The following GABRB3 variants were observed in gnomAD, a reference collection of about 807,000 sequenced individuals.
GABRB3 encodes gamma-aminobutyric acid type A receptor subunit beta3.
In GABRB3, 14 loss-of-function variants were observed where a neutral mutation model predicts 52.1. The ratio of observed to expected loss-of-function variants is 0.27; its 90% CI spans 0.18 to 0.42. The LOEUF (loss-of-function observed/expected upper bound fraction) is 0.42. Ranked by LOEUF, GABRB3 falls within the 10% of genes least tolerant of loss-of-function variation. The pLI is 1.00. For synonymous variants in GABRB3, 260 were observed against 232.3 expected (o/e 1.12, Z -1.08); for missense variants, 307 against 609.1 (o/e 0.50, Z 5.22).
intron 3 of GABRB3, among the ~76,000 whole-genome samples, chr15:26,703,419 C>G (rs1888998774): frequency 6.6e-6 from 1 of 152,164 alleles, no homozygotes; most frequent in Non-Finnish European, 1.5e-5. Flanking sequence ...TAATCCTATC[C>G]ATTGGCAGCA....
At chr15:26,598,887 A>G (rs974736982) in intron 4 of GABRB3, among the ~76,000 whole-genome samples, 1 of 152,214 alleles carries the variant, frequency 6.6e-6, no homozygotes, top group African/African-American at 2.4e-5. Context: ...CTAGCCACAA[A>G]GCTGATTTGG....
chr15:26,578,308 T>C (rs1409657954), intron 6 of GABRB3, among the ~76,000 whole-genome samples: 1 of 152,186 alleles, frequency 6.6e-6, no homozygotes, highest in Non-Finnish European at 1.5e-5. Context: ...TTGGGAGATT[T>C]TGTAACTGAC....
intron 3 of GABRB3, among the ~76,000 whole-genome samples, chr15:26,760,755 CTTTTAAAAACTGG>C (rs1350441756): frequency 3.3e-5 from 5 of 151,596 alleles, no homozygotes; most frequent in Admixed American, 6.6e-5. Context: ...AAGAATGCTT[CTTTTAAAAACTGG>C]TTTTCTCTGC....
At chr15:26,626,785 A>G (rs1216518931) in intron 3 of GABRB3, among the ~76,000 whole-genome samples, 3 of 152,246 alleles carry the variant, frequency 2.0e-5, no homozygotes. Flanking sequence ...AGCCATTTCC[A>G]TAACATAAAA....
chr15:26,695,578 G>C (rs1233724281), intron 3 of GABRB3, among the ~76,000 whole-genome samples: 1 of 151,890 alleles, frequency 6.6e-6, no homozygotes, highest in Non-Finnish European at 1.5e-5. Flanking sequence ...TGCTTTGCAA[G>C]AAATTGTTAA....
At chr15:26,753,556 C>G (rs1016232798) in intron 3 of GABRB3, among the ~76,000 whole-genome samples, 1 of 152,154 alleles carries the variant, frequency 6.6e-6, no homozygotes, top group African/African-American at 2.4e-5. Flanking sequence ...TGACTTTGGT[C>G]CCAGAAACTG....
In GABRB3 at chr15:26,621,291, T is replaced by G. The variant is rs574818308; in HGVS notation, c.461+23A>C. 4.4e-6 allele frequency: 7 copies of G among 1,595,106 alleles called. No individual in the cohort carries two copies. In the South Asian group the frequency reaches 6.6e-5, roughly 15 times the overall value. The stretch of plus-strand genomic sequence containing the variant: ...CCCATGCACCATGCAACAGCAAAAT[T>G]GGTCCTGAAGAGGCACACAGACCTG... On this transcript the variant is annotated intron_variant, in intron 4 of 8. Coordinates refer to ENST00000311550, the MANE Select transcript of GABRB3 (RefSeq NM_000814.6). The surrounding 1 kb of genome is among the most constrained non-coding windows in gnomAD (Gnocchi z 4.1).
At chr15:26,710,828 T>C (rs910975306) in intron 3 of GABRB3, among the ~76,000 whole-genome samples, 4 of 152,184 alleles carry the variant, frequency 2.6e-5, no homozygotes, top group African/African-American at 4.8e-5. Flanking sequence ...TGGACAGATA[T>C]GTACTTTAAA....
At chr15:26,574,572 A>T (rs190908142) in intron 6 of GABRB3, among the ~76,000 whole-genome samples, 1 of 152,342 alleles carries the variant, frequency 6.6e-6, no homozygotes, top group Admixed American at 6.5e-5. Context: ...GGCAATAAAA[A>T]GGAATGAAGT....
chr15:26,635,550 G>A (rs373096753), intron 3 of GABRB3, among the ~76,000 whole-genome samples: 6 of 152,048 alleles, frequency 3.9e-5, no homozygotes, highest in South Asian at 2.1e-4. Context: ...AAAGAAAGAC[G>A]TTTATTTATC....
At chr15:26,671,543 C>T (rs1887897425) in intron 3 of GABRB3, among the ~76,000 whole-genome samples, 1 of 152,162 alleles carries the variant, frequency 6.6e-6, no homozygotes, top group Admixed American at 6.5e-5. Flanking sequence ...TTTAAACATT[C>T]ATCAAGAGAC....
intron 4 of GABRB3, among the ~76,000 whole-genome samples, chr15:26,616,499 G>C (rs989948653): frequency 6.6e-6 from 1 of 151,396 alleles, no homozygotes; most frequent in South Asian, 2.1e-4. Flanking sequence ...CACTTTGGAG[G>C]TTTTCTTTAT....
chr15:26,605,969 C>T (rs1891774211), intron 4 of GABRB3, among the ~76,000 whole-genome samples: 1 of 152,112 alleles, frequency 6.6e-6, no homozygotes, highest in African/African-American at 2.4e-5. Context: ...GGAGGCACGT[C>T]TTACATGGTC....
In GABRB3 at chr15:26,644,681, C is replaced by T. The variant is rs189188398; in HGVS notation, c.241-23147G>A. On this transcript the variant is annotated intron_variant, in intron 3 of 8. Transcript: ENST00000311550. ...ACATTGCCATGGCAGCCCTAGCAGA[C>T]GGATACACTGCTGCAGCCCATGAGG... is the stretch of plus-strand genomic sequence containing the variant. 2.2e-4 allele frequency among the ~76,000 whole-genome samples: 33 copies of T among 151,970 alleles called. No homozygotes were observed. In the East Asian group the frequency reaches 6.2e-3, roughly 29 times the overall value.
At chr15:26,734,445 C>A (rs1477083816) in intron 3 of GABRB3, among the ~76,000 whole-genome samples, 1 of 151,998 alleles carries the variant, frequency 6.6e-6, no homozygotes. Context: ...AAAAAACAGA[C>A]AAACTGAATG....
intron 3 of GABRB3, among the ~76,000 whole-genome samples, chr15:26,649,320 G>A (rs1822647855): frequency 6.6e-6 from 1 of 152,082 alleles, no homozygotes; most frequent in Admixed American, 6.5e-5. Context: ...TTAGGACACA[G>A]CATTCCTCTC....
intron 3 of GABRB3, among the ~76,000 whole-genome samples, chr15:26,759,331 G>A (rs750722490): frequency 3.9e-5 from 6 of 151,998 alleles, no homozygotes; most frequent in East Asian, 1.9e-4. Context: ...CTTGGCTCAC[G>A]GCAACCTCCG....
intron 4 of GABRB3, among the ~76,000 whole-genome samples, chr15:26,608,101 G>GAAAA (rs1891910246): frequency 8.3e-6 from 1 of 121,092 alleles, no homozygotes; most frequent in African/African-American, 3.9e-5. Context: ...CATGGTACTG[G>GAAAA]CAAAAAAAAA....
At chr15:26,724,688 A>C (rs1386630511) in intron 3 of GABRB3, among the ~76,000 whole-genome samples, 2 of 152,190 alleles carry the variant, frequency 1.3e-5, no homozygotes, top group Non-Finnish European at 2.9e-5. Flanking sequence ...CAGATTGTTA[A>C]ACATAGGTCC....
Sources: allele counts gnomAD v4.1 joint callset (sites outside exome capture counted in the v4.1 genomes callset), GRCh38; gene constraint gnomAD v4.1.1; non-coding constraint Gnocchi (gnomAD v3.1); transcripts MANE v1.5; gene names NCBI Gene and HGNC (gene_info 2026-07-23, HGNC 2026-07-21).